EHBP1L1: variants seen among roughly 807,000 people sequenced by gnomAD.
EHBP1L1 encodes EH domain binding protein 1 like 1, also known as EH domain-binding protein 1-like protein 1.
EHBP1L1 carries 122 observed loss-of-function variants against 151.1 expected under a neutral mutation model. The ratio of observed to expected loss-of-function variants is 0.81; its 90% CI spans 0.70 to 0.94. The LOEUF is 0.94. Ranked by LOEUF, EHBP1L1 falls within the 40% of genes least tolerant of loss-of-function variation. The pLI is 0.00. For missense variants in EHBP1L1, 1,941 were observed against 1,959.8 expected, an observed-to-expected ratio of 0.99 and a Z score of 0.18; for synonymous variants, 878 against 810.1, an observed-to-expected ratio of 1.08 and a Z score of -1.42.
At position 65,583,192 on chromosome 11, in the gene EHBP1L1, G is replaced by C; in HGVS notation, c.2520G>C (p.Gly840=). ...CAGGGCTAGAATCTGAGGTAGCTGG[G>C]GCCCAGGAGACAGAGGTCGGGGGTT... ...GVPGLESEVA[G]AQETEVGGSG... is the part of the protein sequence containing the mutation. Residue 840 remains glycine, a synonymous_variant, in exon 9 of 19, where the codon GGG becomes GGC. Coordinates refer to ENST00000309295, the MANE Select transcript of EHBP1L1 (RefSeq NM_001099409.3). 1 of 1,613,342 alleles carries C rather than the reference G, an allele frequency of 6.2e-7. No homozygotes were observed. Among genetic ancestry groups the C allele is most frequent in the Non-Finnish European group, 8.5e-7 (1 of 1,179,808 alleles).
At position 65,585,134 on chromosome 11, in the gene EHBP1L1, C is replaced by G; in HGVS notation, c.3476C>G (p.Thr1159Arg). ...VQLEGGGGAG[T>R]YRVGSAQPSP... is the part of the protein sequence containing the mutation. ...CTGGAGGGCGGCGGCGGCGCCGGCACGTACCGCGTGGGCAGCGCCCAGCCC... is the reference window on the plus strand; with the variant it reads ...CTGGAGGGCGGCGGCGGCGCCGGCAGGTACCGCGTGGGCAGCGCCCAGCCC... Residue 1159 changes from threonine to arginine, a missense_variant, in exon 12 of 19, where the codon ACG becomes AGG. Transcript: ENST00000309295. This position sits in a 1 kb window ranked among gnomAD's most constrained non-coding sequence, Gnocchi z 4.0. The G allele has an allele frequency of 6.8e-7, 1 of 1,476,090 alleles. No individual in the cohort carries two copies. Among genetic ancestry groups the G allele is most frequent in the Non-Finnish European group, 8.9e-7 (1 of 1,120,416 alleles). The allele number at this position is 1,476,090 out of a possible 1,614,324, so 91.4% of individuals were successfully genotyped here.
Position 65,579,121 on chromosome 11 carries a change from C to A in EHBP1L1, c.148C>A (p.Arg50Ser). ...GGTGGTATGGACCCGTCGGAACCGA[C>A]GCATCTGCTCCAAGGTGGGGAAGGA... ...LVVVWTRRNR[R>S]ICSKAHSWQP... The change falls in exon 2 of 19, where the codon CGC becomes AGC. Residue 50 changes from arginine to serine, a missense_variant. Physicochemically the swap from Arg to Ser is moderately radical, Grantham distance 110. Coordinates refer to ENST00000309295, the MANE Select transcript of EHBP1L1 (RefSeq NM_001099409.3). The A allele has an allele frequency of 1.3e-6, 2 of 1,594,564 alleles. No homozygotes were observed. The highest frequency in any genetic ancestry group is 1.7e-6 in the Non-Finnish European group (2 of 1,170,788).
chr11:65,591,655 A>G (rs1858300420), intron 16 of EHBP1L1, 145 bp from the exon 17 acceptor site: 1 of 707,556 alleles, frequency 1.4e-6, no homozygotes, highest in African/African-American at 1.7e-5. Flanking sequence ...AGACTAGAGG[A>G]TAGCTCTGCG....
At chr11:65,590,051 T>C (rs891043435) in intron 14 of EHBP1L1, 36 bp from the exon 15 acceptor site, 4 of 1,613,046 alleles carry the variant, frequency 2.5e-6, no homozygotes, top group Non-Finnish European at 3.4e-6. Flanking sequence ...GGGCCTGGGC[T>C]GAGTCCACCC....
At chr11:65,577,632 G>A (rs1435415387) in intron 1 of EHBP1L1, among the ~76,000 whole-genome samples, 4 of 152,060 alleles carry the variant, frequency 2.6e-5, no homozygotes, top group Admixed American at 1.3e-4. Flanking sequence ...CCAGGAGGGC[G>A]TGCCCAGCCT....
rs1450665394 is a variant in EHBP1L1, at chr11:65,592,000, A to C, written c.4382A>C (p.Gln1461Pro). 1.9e-6 allele frequency: 3 copies of C among 1,613,060 alleles called. No individual in the cohort carries two copies. Among genetic ancestry groups the C allele is most frequent in the Non-Finnish European group, 2.5e-6 (3 of 1,179,502 alleles). The change falls in exon 18 of 19, where the codon CAG (glutamine) becomes CCG (proline). Residue 1461 changes from glutamine to proline, a missense_variant. Transcript: ENST00000309295. ...IEDWQKTSAQ[Q>P]HREQLLLEEL... The stretch of plus-strand genomic sequence containing the variant: ...GACTGGCAGAAAACGTCCGCTCAGC[A>C]GCACCGAGAGCAGCTCCTACTGGAG...
intron 16 of EHBP1L1, among the ~76,000 whole-genome samples, chr11:65,590,810 C>T (rs534079856): frequency 2.7e-4 from 41 of 152,176 alleles, no homozygotes; most frequent in Admixed American, 6.5e-4. Flanking sequence ...CCGAGGCAGG[C>T]GGATCATCTG....
intron 6 of EHBP1L1, chr11:65,580,792 C>A: frequency 1.2e-6 from 1 of 825,656 alleles, no homozygotes; most frequent in Non-Finnish European, 1.8e-6. Flanking sequence ...GGCTCCTGAT[C>A]CCTCACCACC....
At chr11:65,578,110 C>T (rs1565118062) in intron 1 of EHBP1L1, 1 of 152,546 alleles carries the variant, frequency 6.6e-6, no homozygotes, top group Non-Finnish European at 1.5e-5. Flanking sequence ...CATCTCTGTC[C>T]TCTGGCTTTG....
chr11:65,590,622 G>A (rs751070612), intron 16 of EHBP1L1, 30 bp downstream of exon 16: 62 of 1,600,192 alleles, frequency 3.9e-5, no homozygotes, highest in Middle Eastern at 3.3e-4. Context: ...CAGGAGAGCA[G>A]AGGGACTCTT....
chr11:65,580,410 G>T lies in EHBP1L1; in HGVS notation c.565G>T (p.Ala189Ser). 6.2e-7 allele frequency: 1 copy of T among 1,613,732 alleles called. No individual in the cohort carries two copies. The part of the protein sequence containing the change: ...PSDVGNLDDF[A>S]ESDEDEAHGP... ...TGATGTGGGCAACTTGGATGACTTT[G>T]CTGAGAGTGATGAAGATGAGGCTCA... The change falls in exon 6 of 19, where the codon GCT becomes TCT. Residue 189 changes from alanine to serine, a missense_variant. Coordinates refer to ENST00000309295, the MANE Select transcript of EHBP1L1 (RefSeq NM_001099409.3).
rs761245957 is a variant in EHBP1L1, at chr11:65,590,165, C to T, written c.4138C>T (p.Arg1380Trp). ...ACAGGAGCAGAGGCAGATAGATGGG[C>T]GGGCGGCTGAGGTGGAGATGCAGCT... ...LEQEQRQIDG[R>W]AAEVEMQLRS... is the part of the protein sequence containing the mutation. The change falls in exon 15 of 19, where the codon CGG becomes TGG. Residue 1380 changes from arginine (R) to tryptophan (W), a missense_variant. By Grantham distance (101) the Arg-to-Trp change is moderately radical. Coordinates refer to ENST00000309295, the MANE Select transcript of EHBP1L1 (RefSeq NM_001099409.3). 205 of 1,613,538 alleles carry T rather than the reference C, an allele frequency of 1.3e-4. No individual in the cohort carries two copies. Among genetic ancestry groups the T allele is most frequent in the Admixed American group, 3.2e-4 (19 of 59,940 alleles).
Position 65,581,529 on chromosome 11 carries a change from C to T in EHBP1L1, c.867-10C>T. The T allele has an allele frequency of 6.8e-7, 1 of 1,480,526 alleles. No individual in the cohort carries two copies. The allele number at this position is 1,480,526 out of a possible 1,614,324, so 91.7% of individuals were successfully genotyped here. On this transcript the variant is annotated splice_polypyrimidine_tract_variant and intron_variant, in intron 8 of 18. Transcript: ENST00000309295. ...CAGCCCCCCAACTCCCCCTCCTGCT[C>T]TCTTCTCAGGTCTTCAAGGCAGCCA...
chr11:65,580,604 C>T (rs944977800), intron 6 of EHBP1L1, 125 bp downstream of exon 6: 5 of 1,288,996 alleles, frequency 3.9e-6, no homozygotes, highest in Non-Finnish European at 5.3e-6. Flanking sequence ...GCAGTCCCAA[C>T]CAACCCAGCA....
rs1235238688 is a variant in EHBP1L1, at chr11:65,583,108, G to A, written c.2436G>A (p.Gly812=). Residue 812 remains glycine (G), a synonymous_variant, in exon 9 of 19, where the codon GGG becomes GGA. Coordinates refer to ENST00000309295, the MANE Select transcript of EHBP1L1 (RefSeq NM_001099409.3). ...CAGAGGTTCCAGAGATAGCGACTGG[G>A]ACAGCAGAAACTGAGATATTGGGGA... The part of the protein sequence containing the change: ...GGSEVPEIAT[G]TAETEILGTQ... The A allele has an allele frequency of 1.2e-6, 2 of 1,613,422 alleles. No homozygotes were observed. The highest frequency in any genetic ancestry group is 1.7e-5 in the Admixed American group (1 of 59,994).
chr11:65,584,424 A>G (rs1857821820), intron 10 of EHBP1L1, 26 bp downstream of exon 10: 2 of 1,613,412 alleles, frequency 1.2e-6, no homozygotes, highest in Non-Finnish European at 1.7e-6. Context: ...GGTGGGAACG[A>G]ATGGGGGAGC....
At chr11:65,581,023 G>T in intron 6 of EHBP1L1, 35 bp from the exon 7 acceptor site, 1 of 1,569,350 alleles carries the variant, frequency 6.4e-7, no homozygotes, top group South Asian at 1.2e-5. Context: ...GCCCTGGGCT[G>T]ACTCTGCCCT....
rs778878768 is a variant in EHBP1L1, at chr11:65,585,444, C to T, written c.3786C>T (p.Pro1262=). ...GACGGCCCTCGGTCAACGGGGAGCC[C>T]GGGTCGGTGCCCCCGCCCCGCGCGC... is the stretch of plus-strand genomic sequence containing the variant. ...RLRRPSVNGE[P]GSVPPPRAHG... is the part of the protein sequence containing the mutation. The change falls in exon 12 of 19, where the codon CCC becomes CCT. Residue 1262 remains proline, a synonymous_variant. Transcript: ENST00000309295. The surrounding 1 kb of genome is among the most constrained non-coding windows in gnomAD (Gnocchi z 4.0). 1.7e-5 allele frequency: 26 copies of T among 1,506,266 alleles called. No homozygotes were observed. The East Asian group carries it at 4.2e-4, about 24-fold the overall frequency. The allele number at this position is 1,506,266 out of a possible 1,614,324, so 93.3% of individuals were successfully genotyped here.
At position 65,584,504 on chromosome 11, in the gene EHBP1L1, C is replaced by T; in HGVS notation, c.3270C>T (p.Asp1090=). Residue 1090 remains aspartate, a synonymous_variant, in exon 11 of 19, where the codon GAC becomes GAT. Coordinates refer to ENST00000309295, the MANE Select transcript of EHBP1L1 (RefSeq NM_001099409.3). ...TCTGCAGTGACTATGCCTCGCTAGA[C>T]CCACTCAACATCAAGCAGAACAACA... ...YPDKIDYASL[D]PLNIKQNNKQ... The T allele has an allele frequency of 1.2e-6, 2 of 1,612,712 alleles. No individual in the cohort carries two copies. The highest frequency in any genetic ancestry group is 1.7e-6 in the Non-Finnish European group (2 of 1,179,620).
Sources: gnomAD v4.1 joint callset for allele counts (sites outside exome capture counted in the v4.1 genomes callset) on GRCh38, gnomAD v4.1.1 for gene constraint, Gnocchi (gnomAD v3.1) non-coding constraint, MANE v1.5 for transcripts, NCBI Gene and HGNC (gene_info 2026-07-23, HGNC 2026-07-21) for gene names.